ROBO2: variants seen among roughly 807,000 people sequenced by gnomAD.
ROBO2 encodes roundabout homolog 2.
Under a neutral mutation model 160.8 loss-of-function variants are expected in ROBO2, and 53 were observed. The observed-to-expected ratio is 0.33, with a 90% CI of 0.26 to 0.41. ROBO2 has a LOEUF of 0.41. ROBO2 is among the 10% of genes least tolerant of loss of function. The pLI, the probability that ROBO2 is intolerant of heterozygous loss-of-function variation, is 1.00. For synonymous variants in ROBO2, 664 were observed against 611.7 expected (o/e 1.09, Z -1.26); for missense variants, 1,577 against 1,722.4 (o/e 0.92, Z 1.49).
chr3:77,634,761 T>C, intron 23 of ROBO2, 109 bp from the exon 25 acceptor site: 1 of 1,022,520 alleles, frequency 9.8e-7, no homozygotes, highest in Non-Finnish European at 1.5e-6. Context: ...TATCTTCATA[T>C]GTTATCTCTA....
intron 2 of ROBO2, among the ~76,000 whole-genome samples, chr3:76,541,871 A>G (rs1437025281): frequency 6.6e-6 from 1 of 152,122 alleles, no homozygotes; most frequent in African/African-American, 2.4e-5. Context: ...TTCTTGAGCC[A>G]TTTTGTGTAT....
At chr3:77,254,889 T>A (rs2090762678) in intron 2 of ROBO2, among the ~76,000 whole-genome samples, 1 of 152,236 alleles carries the variant, frequency 6.6e-6, no homozygotes, top group South Asian at 2.1e-4. Flanking sequence ...TCAGATCTTC[T>A]GACACAAGGT....
At chr3:77,203,606 CA>C (rs1365649506) in intron 2 of ROBO2, among the ~76,000 whole-genome samples, 1 of 152,108 alleles carries the variant, frequency 6.6e-6, no homozygotes, top group Non-Finnish European at 1.5e-5. Flanking sequence ...TTCAAGAAAC[CA>C]AATGCCAATT....
intron 2 of ROBO2, among the ~76,000 whole-genome samples, chr3:77,196,498 G>A (rs1036913608): frequency 1.4e-5 from 2 of 143,702 alleles, no homozygotes; most frequent in African/African-American, 4.9e-5. Context: ...GATGAGGAGG[G>A]CATCTTTTTT....
At chr3:76,470,205 G>C (rs2078583876) in intron 2 of ROBO2, among the ~76,000 whole-genome samples, 1 of 152,098 alleles carries the variant, frequency 6.6e-6, no homozygotes, top group South Asian at 2.1e-4. Flanking sequence ...ATCACAGCTG[G>C]AGTGATTTTC....
intron 2 of ROBO2, among the ~76,000 whole-genome samples, chr3:77,383,412 T>C (rs1251650968): frequency 6.6e-6 from 1 of 152,098 alleles, no homozygotes; most frequent in Non-Finnish European, 1.5e-5. Flanking sequence ...TATTTTCCTA[T>C]TAATTAAAAT....
chr3:76,115,536 A>C (rs2070429590), intron 2 of ROBO2, among the ~76,000 whole-genome samples: 1 of 152,130 alleles, frequency 6.6e-6, no homozygotes, highest in South Asian at 2.1e-4. Flanking sequence ...TGTAAAACTA[A>C]TTTAAAAATA....
chr3:76,126,549 G>T (rs1254801187), intron 2 of ROBO2, among the ~76,000 whole-genome samples: 1 of 152,028 alleles, frequency 6.6e-6, no homozygotes, highest in African/African-American at 2.4e-5. Flanking sequence ...CAAGAGCTTT[G>T]CTTCAAAACA....
At chr3:77,171,158 G>A (rs1419502377) in intron 2 of ROBO2, among the ~76,000 whole-genome samples, 9 of 152,110 alleles carry the variant, frequency 5.9e-5, no homozygotes, top group African/African-American at 1.2e-4. Flanking sequence ...CAGACAGCCC[G>A]GTGACAATTA....
intron 2 of ROBO2, among the ~76,000 whole-genome samples, chr3:76,271,489 A>G (rs1576193490): frequency 2.7e-5 from 4 of 150,092 alleles, no homozygotes; most frequent in Admixed American, 2.0e-4. Flanking sequence ...ACAGATTCAC[A>G]TATGTTTAAT....
At chr3:76,587,307 G>A (rs921353048) in intron 2 of ROBO2, among the ~76,000 whole-genome samples, 2 of 151,630 alleles carry the variant, frequency 1.3e-5, no homozygotes, top group African/African-American at 4.8e-5. Context: ...TAATATATGT[G>A]CTCCCATGTG....
chr3:76,862,797 T>C (rs1006324298), intron 2 of ROBO2, among the ~76,000 whole-genome samples: 6 of 152,124 alleles, frequency 3.9e-5, no homozygotes, highest in Admixed American at 1.3e-4. Context: ...TCAAAATCAA[T>C]ATAGATTAAA....
chr3:76,610,739 A>T (rs2088040976), intron 2 of ROBO2, among the ~76,000 whole-genome samples: 1 of 150,962 alleles, frequency 6.6e-6, no homozygotes, highest in Admixed American at 6.6e-5. Context: ...TCCAGCGAGC[A>T]GGAGCATGTC....
intron 2 of ROBO2, among the ~76,000 whole-genome samples, chr3:77,308,822 T>C (rs1156655756): frequency 6.6e-6 from 1 of 152,194 alleles, no homozygotes; most frequent in Non-Finnish European, 1.5e-5. Flanking sequence ...AGATTCTAAC[T>C]TGTACTTAGA....
At chr3:76,822,813 C>T (rs1030087522) in intron 2 of ROBO2, among the ~76,000 whole-genome samples, 13 of 151,622 alleles carry the variant, frequency 8.6e-5, no homozygotes, top group African/African-American at 2.7e-4. Context: ...AGAAGGTTTC[C>T]TGTTCTTTTT....
chr3:76,562,898 C>CCCTT (rs892628122), intron 2 of ROBO2, among the ~76,000 whole-genome samples: 20 of 152,132 alleles, frequency 1.3e-4, no homozygotes, highest in Admixed American at 8.5e-4. Flanking sequence ...TGTGCTCTCT[C>CCCTT]CCTTCCTTCC....
chr3:76,909,102 C>T (rs2075803100), intron 2 of ROBO2, among the ~76,000 whole-genome samples: 1 of 152,128 alleles, frequency 6.6e-6, no homozygotes. Context: ...CGCACACAGC[C>T]TGTTGTCCCA....
intron 2 of ROBO2, among the ~76,000 whole-genome samples, chr3:76,271,257 C>T (rs1707415358): frequency 6.6e-6 from 1 of 152,078 alleles, no homozygotes; most frequent in South Asian, 2.1e-4. Flanking sequence ...TTTTCTTCTT[C>T]TTTGACTGCA....
chr3:76,068,505 C>T lies in ROBO2; in HGVS notation c.109+130903C>T, dbSNP rs1316601607. The stretch of plus-strand genomic sequence containing the variant: ...AAGCCTTCTACCTGTGTGCCAGACC[C>T]TATCGCCTCTCAATTAATGCAGGAA... On this transcript the variant is annotated intron_variant, in intron 2 of 26. Transcript: ENST00000487694. 3.3e-5 allele frequency among the ~76,000 whole-genome samples: 5 copies of T among 152,174 alleles called. 1 individual carries two copies. The highest frequency in any genetic ancestry group is 1.2e-4 in the African/African-American group (5 of 41,434).
Sources: allele counts gnomAD v4.1 joint callset (sites outside exome capture counted in the v4.1 genomes callset), GRCh38; gene constraint gnomAD v4.1.1; transcripts MANE v1.5; gene names NCBI Gene and HGNC (gene_info 2026-07-23, HGNC 2026-07-21).